Variants in UNC5A observed in about 807,000 individuals in gnomAD.
The protein encoded by UNC5A is netrin receptor UNC5A.
A neutral mutation model predicts 87.4 loss-of-function variants in UNC5A; 20 were observed. That is an observed-to-expected ratio of 0.23 (90% CI 0.16 to 0.33). The LOEUF (loss-of-function observed/expected upper bound fraction) is 0.33, where lower values mean the gene tolerates loss of function less well. Among genes scored for constraint, UNC5A ranks in the 10% least tolerant of loss-of-function variants. The pLI is 1.00. For missense variants in UNC5A, 844 were observed against 1,133.4 expected (o/e 0.74, Z 3.67); for synonymous variants, 438 against 482.3 (o/e 0.91, Z 1.20).
chr5:176,867,163 C>G (rs1757995337), intron 2 of UNC5A, among the ~76,000 whole-genome samples: 1 of 152,138 alleles, frequency 6.6e-6, no homozygotes, highest in African/African-American at 2.4e-5. Context: ...AAGCCAATGA[C>G]CCGAGGGAAA....
intron 6 of UNC5A, 130 bp from the exon 7 acceptor site, chr5:176,873,838 A>C: frequency 1.1e-6 from 1 of 897,650 alleles, no homozygotes; most frequent in Non-Finnish European, 1.7e-6. Context: ...CCCTGCCACA[A>C]GCGTCTGCTC....
rs770470164 is a variant in UNC5A, at chr5:176,868,662, G to A, written c.538G>A (p.Glu180Lys). The change falls in exon 4 of 15, where the codon GAG becomes AAG. Residue 180 changes from glutamate (E) to lysine (K), a missense_variant and splice_region_variant. Glu to Lys is a moderately conservative substitution (Grantham distance 56). Coordinates refer to ENST00000329542, the MANE Select transcript of UNC5A (RefSeq NM_133369.3). ...CRPPEGIPPAEVEWLRNEDLV... is the reference protein window; with the variant it reads ...CRPPEGIPPAKVEWLRNEDLV... Reference sequence around the variant, plus strand: ...TCCACCGGAGGGCATCCCTCCAGCCGAGGTGAGGGCTCCTCTAGTGCCCAC... The same window carrying A: ...TCCACCGGAGGGCATCCCTCCAGCCAAGGTGAGGGCTCCTCTAGTGCCCAC... 68 of 1,603,680 alleles carry A rather than the reference G, an allele frequency of 4.2e-5. No homozygotes were observed. The highest frequency in any genetic ancestry group is 6.7e-5 in the African/African-American group (5 of 74,736).
chr5:176,827,899 G>T (rs1464513776), intron 1 of UNC5A, among the ~76,000 whole-genome samples: 1 of 152,204 alleles, frequency 6.6e-6, no homozygotes, highest in Non-Finnish European at 1.5e-5. Flanking sequence ...CACCAGGTTA[G>T]CCTGGTGTAG....
intron 1 of UNC5A, among the ~76,000 whole-genome samples, chr5:176,840,102 G>A (rs889003191): frequency 2.6e-5 from 4 of 152,208 alleles, no homozygotes; most frequent in Admixed American, 6.5e-5. Flanking sequence ...AGCAGTCAGC[G>A]CACCTCGGCC....
chr5:176,877,557 A>G lies in UNC5A; in HGVS notation c.1489A>G (p.Thr497Ala), dbSNP rs926170860. Residue 497 changes from threonine to alanine, a missense_variant, in exon 10 of 15, where the codon ACC (threonine) becomes GCC (alanine). Coordinates refer to ENST00000329542, the MANE Select transcript of UNC5A (RefSeq NM_133369.3). ...GAGGTTGCCCCTAGCTGGCTGTCAG[A>G]CCCTGCTGAGTCCCATCGTTAGCTG... ...DVRLPLAGCQ[T>A]LLSPIVSCGP... 5 of 1,603,262 alleles carry G rather than the reference A, an allele frequency of 3.1e-6. No homozygotes were observed. Among genetic ancestry groups the G allele is most frequent in the Middle Eastern group, 1.7e-4 (1 of 6,016 alleles).
At chr5:176,870,344 C>G in intron 5 of UNC5A, 26 bp from the exon 6 acceptor site, 3 of 1,608,544 alleles carry the variant, frequency 1.9e-6, no homozygotes, top group Non-Finnish European at 2.5e-6. Flanking sequence ...ACCGCACCGT[C>G]TCCTCTCTGC....
rs905705632 is a variant in UNC5A at position 176,879,704 on chromosome 5, C to T, written c.2364-17C>T. 6.2e-7 allele frequency: 1 copy of T among 1,610,486 alleles called. No individual in the cohort carries two copies. On this transcript the variant is annotated splice_polypyrimidine_tract_variant and intron_variant, in intron 14 of 14. Coordinates refer to ENST00000329542, the MANE Select transcript of UNC5A (RefSeq NM_133369.3). ...GGGGCCAGGCCAGGCTGCTGACGGC[C>T]CCCCTCCCCTCCACAGCCATCTCAG...
chr5:176,855,977 C>T (rs1255656923), intron 1 of UNC5A, among the ~76,000 whole-genome samples: 4 of 152,096 alleles, frequency 2.6e-5, no homozygotes, highest in South Asian at 2.1e-4. Flanking sequence ...GCAGGGCGGA[C>T]GGCGCCCGCC....
Position 176,874,993 on chromosome 5 carries a change from CTT to C in UNC5A, c.1378+429_1378+430del, listed in dbSNP as rs1427082672. ...CAGCACCGAAACCCTCTGAAGAACT[CTT>C]TCCATGGCTGCCTTGCAAGAAGTGG... On this transcript the variant is annotated intron_variant, in intron 8 of 14. Transcript: ENST00000329542. This position sits in a 1 kb window ranked among gnomAD's most constrained non-coding sequence, Gnocchi z 7.6. Among the ~76,000 whole-genome samples, 2 of 152,224 alleles carry C rather than the reference CTT, an allele frequency of 1.3e-5. No homozygotes were observed. The highest frequency in any genetic ancestry group is 1.5e-5 in the Non-Finnish European group (1 of 68,040).
At chr5:176,830,757 CGTGTGTGTAGGT>C (rs1364107402) in intron 1 of UNC5A, among the ~76,000 whole-genome samples, 2 of 103,494 alleles carry the variant, frequency 1.9e-5, no homozygotes, top group African/African-American at 4.1e-5. Context: ...TGTGCGCTGG[CGTGTGTGTAGGT>C]GTGTGTGTAC....
intron 1 of UNC5A, among the ~76,000 whole-genome samples, chr5:176,849,814 C>T (rs1054086276): frequency 6.6e-6 from 1 of 152,214 alleles, no homozygotes; most frequent in Non-Finnish European, 1.5e-5. Context: ...GGGCTGTGCC[C>T]CAGCCCCCAG....
At chr5:176,851,826 G>A (rs1413447631) in intron 1 of UNC5A, among the ~76,000 whole-genome samples, 1 of 152,208 alleles carries the variant, frequency 6.6e-6, no homozygotes, top group Non-Finnish European at 1.5e-5. Flanking sequence ...TCCTTACTCG[G>A]CCTTATGGTG....
chr5:176,830,855 CGT>C (rs1175218149), intron 1 of UNC5A, among the ~76,000 whole-genome samples: 4 of 114,936 alleles, frequency 3.5e-5, no homozygotes, highest in Non-Finnish European at 7.1e-5. Context: ...TGTGTGCTGG[CGT>C]GTGTGTGTGC....
chr5:176,868,896 A>G lies in UNC5A; in HGVS notation c.653A>G (p.Asn218Ser). The G allele has an allele frequency of 1.9e-6, 3 of 1,612,798 alleles. No homozygotes were observed. The highest frequency in any genetic ancestry group is 2.5e-6 in the Non-Finnish European group (3 of 1,179,868). Residue 218 changes from asparagine (N) to serine (S), a missense_variant, in exon 5 of 15, where the codon AAC (asparagine) becomes AGC (serine). Around this residue, in one of 3 missense-constraint regions of UNC5A, gnomAD observed 314 missense variants for 466.5 expected, o/e 0.67. Coordinates refer to ENST00000329542, the MANE Select transcript of UNC5A (RefSeq NM_133369.3). ...CAGGCCCGCCTTGCTGACACGGCCAACTACACCTGCGTGGCCAAGAACATC... is the reference window on the plus strand; with the variant it reads ...CAGGCCCGCCTTGCTGACACGGCCAGCTACACCTGCGTGGCCAAGAACATC... Reference protein sequence around the residue: ...VRQARLADTANYTCVAKNIVA... With the variant: ...VRQARLADTASYTCVAKNIVA...
At chr5:176,860,628 C>A (rs772227426) in intron 1 of UNC5A, among the ~76,000 whole-genome samples, 1 of 151,934 alleles carries the variant, frequency 6.6e-6, no homozygotes, top group Non-Finnish European at 1.5e-5. Flanking sequence ...TCAGGTTCCC[C>A]GTCAATAAGG....
rs990229917 is a variant in UNC5A at position 176,862,695 on chromosome 5, G to A, written c.142G>A (p.Val48Met). ...CCCGGACCTGCTTCCCCACTTCCTGGTGGAGCCCGAGGATGTGTACATCGT... is the reference window on the plus strand; with the variant it reads ...CCCGGACCTGCTTCCCCACTTCCTGATGGAGCCCGAGGATGTGTACATCGT... ...ANPDLLPHFLVEPEDVYIVKN... is the reference protein window; with the variant it reads ...ANPDLLPHFLMEPEDVYIVKN... Residue 48 changes from valine to methionine, a missense_variant, in exon 2 of 15, where the codon GTG (valine) becomes ATG (methionine). Physicochemically the swap from Val to Met is conservative, Grantham distance 21. This residue lies in a region of UNC5A where 314 missense variants were observed against 466.5 expected (regional missense o/e 0.67). Transcript: ENST00000329542. 7 of 1,613,466 alleles carry A rather than the reference G, an allele frequency of 4.3e-6. No homozygotes were observed. Among genetic ancestry groups the A allele is most frequent in the South Asian group, 3.3e-5 (3 of 91,088 alleles).
At chr5:176,837,872 C>T (rs1324459713) in intron 1 of UNC5A, among the ~76,000 whole-genome samples, 1 of 152,082 alleles carries the variant, frequency 6.6e-6, no homozygotes, top group Non-Finnish European at 1.5e-5. Flanking sequence ...CAGAGGCTGT[C>T]CCTCTGCGGA....
intron 1 of UNC5A, among the ~76,000 whole-genome samples, chr5:176,857,535 GCA>G (rs746701838): frequency 6.6e-6 from 1 of 151,596 alleles, no homozygotes; most frequent in Non-Finnish European, 1.5e-5. Context: ...ACACACATGC[GCA>G]CACACACACA....
chr5:176,834,969 C>T (rs927480310), intron 1 of UNC5A, among the ~76,000 whole-genome samples: 14 of 152,270 alleles, frequency 9.2e-5, no homozygotes, highest in Admixed American at 8.5e-4. Context: ...GCCAGAGGAG[C>T]TGGCAGGCTG....
Sources: allele counts gnomAD v4.1 joint callset (sites outside exome capture counted in the v4.1 genomes callset), GRCh38; gene constraint gnomAD v4.1.1; regional missense constraint gnomAD v4.1.1; non-coding constraint Gnocchi (gnomAD v3.1); transcripts MANE v1.5; gene names NCBI Gene and HGNC (gene_info 2026-07-23, HGNC 2026-07-21).